The following EXOSC7 variants were observed in gnomAD, a reference collection of about 807,000 sequenced individuals.
EXOSC7 encodes the protein exosome complex component RRP42.
A neutral mutation model predicts 34.3 loss-of-function variants in EXOSC7; 25 were observed. The observed-to-expected ratio is 0.73, with a 90% CI of 0.53 to 1.02. EXOSC7 has a LOEUF of 1.02. EXOSC7 is among the 50% of genes least tolerant of loss of function. EXOSC7 has a pLI of 0.00. For synonymous variants in EXOSC7, 130 were observed against 143.0 expected (o/e 0.91, Z 0.65); for missense variants, 370 against 368.5 (o/e 1.00, Z -0.03).
chr3:44,976,726 T>G (rs1311958753), intron 1 of EXOSC7, among the ~76,000 whole-genome samples: 1 of 152,176 alleles, frequency 6.6e-6, no homozygotes, highest in African/African-American at 2.4e-5. Context: ...TTTCCTCACC[T>G]CGTGGTTAGG....
At chr3:44,989,434 G>C in intron 2 of EXOSC7, 116 bp from the exon 3 acceptor site, 2 of 899,626 alleles carry the variant, frequency 2.2e-6, no homozygotes, top group South Asian at 3.1e-5. Context: ...CACTTTCCAA[G>C]TCTTAGCACT....
intron 3 of EXOSC7, 86 bp downstream of exon 3, chr3:44,989,730 AC>A (rs1353551350): frequency 1.7e-5 from 18 of 1,047,558 alleles, no homozygotes; most frequent in Non-Finnish European, 2.3e-5. Flanking sequence ...TTGCTGTTGA[AC>A]CCACTTTTAT....
intron 5 of EXOSC7, among the ~76,000 whole-genome samples, chr3:45,003,950 TTGTCCAGTCTGCTGTTTATCCAGTCTAC>T (rs971586476): frequency 1.3e-5 from 2 of 152,228 alleles, no homozygotes; most frequent in African/African-American, 4.8e-5. Flanking sequence ...TTGTGTGACT[TTGTCCAGTCTGCTGTTTATCCAGTCTAC>T]TGTCCAGTCT....
At chr3:45,011,031 GAT>G (rs1707195683) in intron 7 of EXOSC7, among the ~76,000 whole-genome samples, 2 of 152,148 alleles carry the variant, frequency 1.3e-5, no homozygotes, top group South Asian at 4.1e-4. Flanking sequence ...TTATTTTTTT[GAT>G]ATGACGATTT....
rs201215519 is a variant in EXOSC7 at position 44,978,323 on chromosome 3, AAG to A, written c.57+1991_57+1992del. 6.1e-3 allele frequency among the ~76,000 whole-genome samples: 936 copies of A among 152,296 alleles called. 39 individuals carry two copies. The highest frequency in any genetic ancestry group is 0.057 in the Admixed American group (870 of 15,304). On this transcript the variant is annotated intron_variant, in intron 1 of 7. Coordinates refer to ENST00000265564, the MANE Select transcript of EXOSC7 (RefSeq NM_015004.4). ...AAATAATTTTTTTTTAATAAATAAAAAGAATTCCAGGGACTTGTAATGCTCTG... is the reference window on the plus strand; with the variant it reads ...AAATAATTTTTTTTTAATAAATAAAAAATTCCAGGGACTTGTAATGCTCTG...
chr3:44,992,884 G>A (rs1230200247), intron 3 of EXOSC7, among the ~76,000 whole-genome samples: 3 of 152,202 alleles, frequency 2.0e-5, no homozygotes, highest in South Asian at 2.1e-4. Flanking sequence ...GAGTTTAGGA[G>A]AACATTTTTC....
chr3:44,999,611 C>T (rs1204173541), intron 4 of EXOSC7, among the ~76,000 whole-genome samples: 5 of 152,060 alleles, frequency 3.3e-5, no homozygotes, highest in Non-Finnish European at 7.4e-5. Flanking sequence ...ATTGCTTGAA[C>T]CTGGGAGGTG....
intron 1 of EXOSC7, among the ~76,000 whole-genome samples, chr3:44,980,489 C>G (rs1706243816): frequency 6.6e-6 from 1 of 151,010 alleles, no homozygotes; most frequent in Non-Finnish European, 1.5e-5. Context: ...AGTCGCTTGT[C>G]AAGGTGACAC....
intron 6 of EXOSC7, among the ~76,000 whole-genome samples, chr3:45,006,559 G>A (rs1456799575): frequency 1.3e-5 from 2 of 150,692 alleles, no homozygotes; most frequent in East Asian, 3.9e-4. Flanking sequence ...TGGGACTACA[G>A]GCGCCCGCCA....
chr3:44,983,061 A>T (rs185508809), intron 1 of EXOSC7, among the ~76,000 whole-genome samples: 19 of 152,354 alleles, frequency 1.2e-4, no homozygotes, highest in Admixed American at 1.2e-3. Context: ...GGGTTAACAT[A>T]ACCTCAGAGG....
chr3:44,976,326 G>A lies in EXOSC7; in HGVS notation c.49G>A (p.Gly17Ser), dbSNP rs755286260. 2.5e-6 allele frequency: 4 copies of A among 1,571,220 alleles called. No individual in the cohort carries two copies. Among genetic ancestry groups the A allele is most frequent in the Non-Finnish European group, 3.4e-6 (4 of 1,164,524 alleles). ...SEAEKVYIVHGVQEDLRVDGR... is the reference protein window; with the variant it reads ...SEAEKVYIVHSVQEDLRVDGR... ...GGCGGAGAAGGTGTACATCGTGCAT[G>A]GCGTCCAGGTAGCTACAGCAGCGGC... Residue 17 changes from glycine to serine, a missense_variant, in exon 1 of 8, where the codon GGC becomes AGC. Gly to Ser is a moderately conservative substitution (Grantham distance 56). This residue lies in a region of EXOSC7 where 95 missense variants were observed against 79.8 expected (regional missense o/e 1.19). Coordinates refer to ENST00000265564, the MANE Select transcript of EXOSC7 (RefSeq NM_015004.4).
At chr3:45,005,215 A>C in intron 5 of EXOSC7, 76 bp from the exon 6 acceptor site, 1 of 1,532,018 alleles carries the variant, frequency 6.5e-7, no homozygotes, top group Non-Finnish European at 9.0e-7. Flanking sequence ...AGGGATTCCA[A>C]CTCCTATTCT....
Position 45,005,313 on chromosome 3 carries a change from G to A in EXOSC7, c.514G>A (p.Glu172Lys), listed in dbSNP as rs1398814820. ...CAGGATACCAAGGGTTCGAGTTTTGGAGGATGAAGAGGGGTCGAAGGACAT... is the reference window on the plus strand; with the variant it reads ...CAGGATACCAAGGGTTCGAGTTTTGAAGGATGAAGAGGGGTCGAAGGACAT... Reference protein sequence around the residue: ...NTRIPRVRVLEDEEGSKDIEL... With the variant: ...NTRIPRVRVLKDEEGSKDIEL... The change falls in exon 6 of 8, where the codon GAG becomes AAG. Residue 172 changes from glutamate (E) to lysine (K), a missense_variant. Glu to Lys is a moderately conservative substitution (Grantham distance 56, BLOSUM62 1). Coordinates refer to ENST00000265564, the MANE Select transcript of EXOSC7 (RefSeq NM_015004.4). 1.2e-6 allele frequency: 2 copies of A among 1,614,032 alleles called. No homozygotes were observed. Among genetic ancestry groups the A allele is most frequent in the African/African-American group, 1.3e-5 (1 of 74,924 alleles).
intron 7 of EXOSC7, among the ~76,000 whole-genome samples, chr3:45,008,422 C>T (rs1707115584): frequency 6.6e-6 from 1 of 152,228 alleles, no homozygotes; most frequent in Non-Finnish European, 1.5e-5. Flanking sequence ...AAGAACATGA[C>T]ATCTACTTTC....
At chr3:45,011,604 A>T (rs1697289596), downstream of EXOSC7, 1 of 295,524 alleles carries the variant, frequency 3.4e-6, no homozygotes, top group Non-Finnish European at 6.2e-6. Flanking sequence ...CACAAGCTGG[A>T]GTAAAGACCT....
At chr3:44,999,494 G>A (rs1706817426) in intron 4 of EXOSC7, among the ~76,000 whole-genome samples, 1 of 152,112 alleles carries the variant, frequency 6.6e-6, no homozygotes, top group Non-Finnish European at 1.5e-5. Context: ...TTCGAGACCA[G>A]CCTGGAAAAC....
intron 4 of EXOSC7, among the ~76,000 whole-genome samples, 177 bp downstream of exon 4, chr3:44,997,429 G>A (rs1706752893): frequency 6.6e-6 from 1 of 152,072 alleles, no homozygotes. Flanking sequence ...ATACAACATA[G>A]ATGTAAGCAG....
At chr3:44,992,704 G>T (rs1431478227) in intron 3 of EXOSC7, among the ~76,000 whole-genome samples, 5 of 152,154 alleles carry the variant, frequency 3.3e-5, no homozygotes. Flanking sequence ...GGAAAAGGTG[G>T]TTTCTATCTA....
intron 5 of EXOSC7, 172 bp from the exon 6 acceptor site, chr3:45,005,119 C>T (rs548454554): frequency 1.4e-4 from 90 of 647,284 alleles, no homozygotes; most frequent in South Asian, 1.0e-3. Flanking sequence ...CATTGCACTG[C>T]GGCGCCTCCT....
Sources: gnomAD v4.1 joint callset for allele counts (sites outside exome capture counted in the v4.1 genomes callset) on GRCh38, gnomAD v4.1.1 for gene constraint, gnomAD v4.1.1 regional missense constraint, MANE v1.5 for transcripts, NCBI Gene and HGNC (gene_info 2026-07-23, HGNC 2026-07-21) for gene names.